GPM6A: variants seen among roughly 807,000 people sequenced by gnomAD.
GPM6A encodes the protein neuronal membrane glycoprotein M6-a.
Under a neutral mutation model 32.1 loss-of-function variants are expected in GPM6A, and 7 were observed. That is an observed-to-expected ratio of 0.22 (90% CI 0.12 to 0.41). The LOEUF (loss-of-function observed/expected upper bound fraction) is 0.41. Ranked by LOEUF, GPM6A falls within the 10% of genes least tolerant of loss-of-function variation. The probability of loss-of-function intolerance (pLI) is 1.00; values close to 1 mark genes in which losing one functional copy is unlikely to be tolerated. For synonymous variants in GPM6A, 130 were observed against 123.4 expected, an observed-to-expected ratio of 1.05 and a Z score of -0.35; for missense variants, 235 against 347.2, an observed-to-expected ratio of 0.68 and a Z score of 2.57.
chr4:175,812,809 C>G, upstream of GPM6A: 1 of 985,350 alleles, frequency 1.0e-6, no homozygotes, highest in Non-Finnish European at 1.2e-6. Flanking sequence ...CTCACCCAGT[C>G]AGATACGTTG....
intron 1 of GPM6A, among the ~76,000 whole-genome samples, chr4:175,844,045 T>C (rs920672317): frequency 1.3e-5 from 2 of 152,214 alleles, no homozygotes; most frequent in African/African-American, 2.4e-5. Flanking sequence ...TAATGTCTCT[T>C]CTTGGTAATT....
chr4:175,732,999 C>G (rs1302199403), intron 1 of GPM6A, among the ~76,000 whole-genome samples: 1 of 152,136 alleles, frequency 6.6e-6, no homozygotes, highest in South Asian at 2.1e-4. Context: ...AAGCCACAAC[C>G]ACCGAGTGTG....
At chr4:175,779,236 G>A (rs549229346) in intron 1 of GPM6A, among the ~76,000 whole-genome samples, 9 of 152,128 alleles carry the variant, frequency 5.9e-5, no homozygotes, top group African/African-American at 9.6e-5. Context: ...TGATGCAATC[G>A]TTACCCATTT....
At chr4:175,965,398 ACTAACT>A (rs1740302645) in intron 1 of GPM6A, among the ~76,000 whole-genome samples, 2 of 152,156 alleles carry the variant, frequency 1.3e-5, no homozygotes, top group Admixed American at 1.3e-4. Context: ...AAAAGAGCAA[ACTAACT>A]CTAAAGTAAG....
At chr4:175,982,565 G>A (rs115560619) in intron 1 of GPM6A, among the ~76,000 whole-genome samples, 2,706 of 152,136 alleles carry the variant, frequency 0.018, 66 homozygotes, top group African/African-American at 0.061. Flanking sequence ...ATTGTGATGT[G>A]GGTTTATCTC....
At chr4:175,906,534 C>T (rs1414234055) in intron 1 of GPM6A, 1 of 152,092 alleles carries the variant, frequency 6.6e-6, no homozygotes, top group Non-Finnish European at 1.5e-5. Flanking sequence ...AGACCGTAAC[C>T]ATGGTGATAT....
intron 1 of GPM6A, among the ~76,000 whole-genome samples, chr4:175,935,748 C>T (rs770903029): frequency 6.6e-6 from 1 of 151,918 alleles, no homozygotes; most frequent in Non-Finnish European, 1.5e-5. Flanking sequence ...TTCAATATAA[C>T]CCCAATAAAA....
chr4:175,852,523 TA>T (rs1736291311), intron 1 of GPM6A, among the ~76,000 whole-genome samples: 1 of 152,196 alleles, frequency 6.6e-6, no homozygotes, highest in Non-Finnish European at 1.5e-5. Context: ...AAAAGTGAAC[TA>T]GCCCTTTATT....
intron 1 of GPM6A, among the ~76,000 whole-genome samples, chr4:175,792,676 T>C (rs1293029929): frequency 1.3e-5 from 2 of 152,202 alleles, no homozygotes; most frequent in African/African-American, 2.4e-5. Flanking sequence ...TAAAATACAA[T>C]GTAAAACTCT....
At chr4:175,661,977 A>G (rs1018245428) in intron 3 of GPM6A, among the ~76,000 whole-genome samples, 3 of 152,198 alleles carry the variant, frequency 2.0e-5, no homozygotes, top group African/African-American at 7.2e-5. Context: ...GGCACATTCA[A>G]TAGAAATAAA....
chr4:175,905,398 G>T (rs1738098552), intron 1 of GPM6A, among the ~76,000 whole-genome samples: 1 of 151,706 alleles, frequency 6.6e-6, no homozygotes, highest in South Asian at 2.1e-4. Flanking sequence ...TTTCTCATCA[G>T]CTATTGTTAG....
At chr4:175,854,563 A>C (rs1294362259) in intron 1 of GPM6A, among the ~76,000 whole-genome samples, 1 of 152,184 alleles carries the variant, frequency 6.6e-6, no homozygotes, top group East Asian at 1.9e-4. Flanking sequence ...AAATACAAAG[A>C]TCTCTGAAAG....
intron 1 of GPM6A, among the ~76,000 whole-genome samples, chr4:175,926,117 G>T (rs1403570475): frequency 6.6e-6 from 1 of 152,082 alleles, no homozygotes; most frequent in East Asian, 1.9e-4. Flanking sequence ...CTCCCAAAGT[G>T]TTGGGATTAC....
chr4:175,785,686 C>A (rs999557421), intron 1 of GPM6A, among the ~76,000 whole-genome samples: 10 of 152,098 alleles, frequency 6.6e-5, no homozygotes, highest in African/African-American at 2.4e-4. Flanking sequence ...TCACATAGAT[C>A]ATTAGAATAA....
upstream of GPM6A, chr4:175,812,670 G>C: frequency 1.0e-6 from 1 of 987,834 alleles, no homozygotes; most frequent in Non-Finnish European, 1.2e-6. Context: ...TTGGAAACAG[G>C]CTGAGCTGTG....
At chr4:175,937,982 CAGTT>C (rs2126333046) in intron 1 of GPM6A, among the ~76,000 whole-genome samples, 1 of 150,502 alleles carries the variant, frequency 6.6e-6, no homozygotes, top group African/African-American at 2.4e-5. Flanking sequence ...AGTTGATAGT[CAGTT>C]ATTTATATGG....
chr4:175,970,435 A>G (rs1430983566), intron 1 of GPM6A, among the ~76,000 whole-genome samples: 1 of 152,214 alleles, frequency 6.6e-6, no homozygotes. Context: ...GTAAACAATA[A>G]CAATAGACTT....
At chr4:175,763,966 A>G (rs901738116) in intron 1 of GPM6A, among the ~76,000 whole-genome samples, 1 of 152,192 alleles carries the variant, frequency 6.6e-6, no homozygotes, top group Non-Finnish European at 1.5e-5. Flanking sequence ...GTTTTAGTCA[A>G]TAAGTAACAA....
chr4:175,703,512 T>C lies in GPM6A; in HGVS notation c.38-1745A>G, dbSNP rs571767419. ...CATATGAACTATTACTGTGCTGTCA[T>C]GTGGTTGTCAAAAATTCTTTGGCCA... On this transcript the variant is annotated intron_variant, in intron 1 of 6. Transcript: ENST00000393658. 8.5e-5 allele frequency among the ~76,000 whole-genome samples: 13 copies of C among 152,318 alleles called. No homozygotes were observed. In the South Asian group the frequency reaches 2.5e-3, roughly 29 times the overall value.
Sources: gnomAD v4.1 joint callset for allele counts (sites outside exome capture counted in the v4.1 genomes callset) on GRCh38, gnomAD v4.1.1 for gene constraint, MANE v1.5 for transcripts, NCBI Gene and HGNC (gene_info 2026-07-23, HGNC 2026-07-21) for gene names.